GALNT18: variants seen among roughly 807,000 people sequenced by gnomAD.
GALNT18 encodes GalNAc-transferase 18.
In GALNT18, 44 loss-of-function variants were observed where a neutral mutation model predicts 69.5. The ratio of observed to expected loss-of-function variants is 0.63; its 90% confidence interval spans 0.50 to 0.81. The LOEUF (loss-of-function observed/expected upper bound fraction) is 0.81. Ranked by LOEUF, GALNT18 falls within the 40% of genes least tolerant of loss-of-function variation. The pLI, the probability that GALNT18 is intolerant of heterozygous loss-of-function variation, is 0.00. For missense variants in GALNT18, 715 were observed against 810.0 expected (o/e 0.88, Z 1.42); for synonymous variants, 364 against 318.2 (o/e 1.14, Z -1.53).
chr11:11,307,550 A>C (rs1387053089), intron 9 of GALNT18, among the ~76,000 whole-genome samples: 1 of 152,172 alleles, frequency 6.6e-6, no homozygotes, highest in Non-Finnish European at 1.5e-5. Flanking sequence ...ATCTGAACTC[A>C]AGTCATCTGG....
intron 1 of GALNT18, among the ~76,000 whole-genome samples, chr11:11,581,312 A>G (rs1859077645): frequency 6.6e-6 from 1 of 152,224 alleles, no homozygotes; most frequent in Non-Finnish European, 1.5e-5. Context: ...GGCTGTGGCC[A>G]ATGTGACAGA....
chr11:11,342,979 AC>A (rs578055610), intron 6 of GALNT18, among the ~76,000 whole-genome samples: 91 of 152,364 alleles, frequency 6.0e-4, no homozygotes, highest in Admixed American at 5.0e-3. Context: ...ATCAAGCTGA[AC>A]AGCAGAATCT....
intron 10 of GALNT18, among the ~76,000 whole-genome samples, chr11:11,276,717 T>G (rs563495197): frequency 3.3e-5 from 5 of 151,892 alleles, no homozygotes; most frequent in African/African-American, 1.2e-4. Context: ...GTGTTTGGCA[T>G]GAAGGGGTAT....
At chr11:11,475,399 C>T (rs1856368222) in intron 1 of GALNT18, 2 of 152,260 alleles carry the variant, frequency 1.3e-5, no homozygotes, top group South Asian at 4.2e-4. Flanking sequence ...GGTAGGTGCT[C>T]AGTGGAAAAT....
chr11:11,297,798 T>G (rs886628243), intron 9 of GALNT18, among the ~76,000 whole-genome samples: 2 of 152,098 alleles, frequency 1.3e-5, no homozygotes, highest in African/African-American at 4.8e-5. Flanking sequence ...CAGCTGCCAA[T>G]GATTGATTTG....
At position 11,496,229 on chromosome 11, in the gene GALNT18, A is replaced by G. The variant is rs1356585806; in HGVS notation, c.236-47293T>C. 2.0e-5 allele frequency among the ~76,000 whole-genome samples: 3 copies of G among 152,236 alleles called. No homozygotes were observed. Among genetic ancestry groups the G allele is most frequent in the African/African-American group, 7.2e-5 (3 of 41,458 alleles). On this transcript the variant is annotated intron_variant, in intron 1 of 10. Transcript: ENST00000227756. This position sits in a 1 kb window ranked among gnomAD's most constrained non-coding sequence, Gnocchi z 4.0. ...TTTAGAATATAGCAATAGAGTTTTG[A>G]TGATCTGCTGACTTCATTTGATTGC...
At chr11:11,559,380 C>G (rs1277226006) in intron 1 of GALNT18, among the ~76,000 whole-genome samples, 1 of 152,244 alleles carries the variant, frequency 6.6e-6, no homozygotes, top group African/African-American at 2.4e-5. Flanking sequence ...CACACCCCAA[C>G]TGTCTGCTTC....
chr11:11,491,558 G>A (rs1856769940), intron 1 of GALNT18, among the ~76,000 whole-genome samples: 1 of 152,244 alleles, frequency 6.6e-6, no homozygotes, highest in Non-Finnish European at 1.5e-5. Context: ...ATTTCCTAAA[G>A]CAGATCTAAA....
rs1273493568 is a variant in GALNT18 at position 11,564,973 on chromosome 11, C to T, written c.235+56386G>A. On this transcript the variant is annotated intron_variant, in intron 1 of 10. Coordinates refer to ENST00000227756, the MANE Select transcript of GALNT18 (RefSeq NM_198516.3). This position sits in a 1 kb window ranked among gnomAD's most constrained non-coding sequence, Gnocchi z 4.3. ...TCTAGACCCTAACCCCAAACTCCAG[C>T]ACTGCAGAAGATAATATATTCCTTC... Among the ~76,000 whole-genome samples the T allele has an allele frequency of 6.6e-6, 1 of 152,202 alleles. No homozygotes were observed. The highest frequency in any genetic ancestry group is 1.5e-5 in the Non-Finnish European group (1 of 68,040).
At chr11:11,498,614 C>T (rs1377802846) in intron 1 of GALNT18, among the ~76,000 whole-genome samples, 1 of 152,204 alleles carries the variant, frequency 6.6e-6, no homozygotes, top group Non-Finnish European at 1.5e-5. Flanking sequence ...GCCTGGGCAA[C>T]ACGGTGAAAC....
Position 11,563,413 on chromosome 11 carries a change from G to A in GALNT18, c.235+57946C>T, listed in dbSNP as rs145825132. On this transcript the variant is annotated intron_variant, in intron 1 of 10. Coordinates refer to ENST00000227756, the MANE Select transcript of GALNT18 (RefSeq NM_198516.3). The surrounding 1 kb of genome is among the most constrained non-coding windows in gnomAD (Gnocchi z 4.6). ...TGCCTTTAACTGCATTACTCTGAAG[G>A]TGGCTTCTGGATGCCTTCCAGCTGG... is the stretch of plus-strand genomic sequence containing the variant. Among the ~76,000 whole-genome samples the A allele has an allele frequency of 6.6e-6, 1 of 152,322 alleles. No homozygotes were observed. Among genetic ancestry groups the A allele is most frequent in the African/African-American group, 2.4e-5 (1 of 41,576 alleles).
chr11:11,525,168 G>A lies in GALNT18; in HGVS notation c.236-76232C>T, dbSNP rs1245652187. ...GGAATATAGACAGGGTGGGGAGGAG[G>A]AGAGGTAGGAAAAACAACGAAATGG... On this transcript the variant is annotated intron_variant, in intron 1 of 10. Coordinates refer to ENST00000227756, the MANE Select transcript of GALNT18 (RefSeq NM_198516.3). 3.9e-5 allele frequency among the ~76,000 whole-genome samples: 6 copies of A among 152,146 alleles called. No individual in the cohort carries two copies. In the East Asian group the frequency reaches 1.2e-3, roughly 29 times the overall value.
rs559847031 is a variant in GALNT18, at chr11:11,279,531, C to G, written c.1678-8241G>C. On this transcript the variant is annotated intron_variant, in intron 10 of 10. Coordinates refer to ENST00000227756, the MANE Select transcript of GALNT18 (RefSeq NM_198516.3). ...ACTCAAACGTCCATCAATAGTACAGCAGACATATAACTCACGGTATATTCA... is the reference window on the plus strand; with the variant it reads ...ACTCAAACGTCCATCAATAGTACAGGAGACATATAACTCACGGTATATTCA... 9.4e-4 allele frequency among the ~76,000 whole-genome samples: 143 copies of G among 152,274 alleles called. 4 individuals carry two copies. In the South Asian group the frequency reaches 0.029, roughly 31 times the overall value.
At chr11:11,558,956 A>T (rs1858397828) in intron 1 of GALNT18, among the ~76,000 whole-genome samples, 1 of 152,208 alleles carries the variant, frequency 6.6e-6, no homozygotes, top group South Asian at 2.1e-4. Context: ...ACAGCACAGG[A>T]GTGAGCACCA....
Position 11,432,892 on chromosome 11 carries a change from T to A in GALNT18, c.429-105A>T. 1 of 1,060,022 alleles carries A rather than the reference T, an allele frequency of 9.4e-7. No homozygotes were observed. The highest frequency in any genetic ancestry group is 1.4e-6 in the Non-Finnish European group (1 of 740,584). The allele number at this position is 1,060,022 out of a possible 1,614,324, so 65.7% of individuals were successfully genotyped here. ...CCAGCTTTGCTGGAGGGCTCGGGAG[T>A]CCAGATTCTTCCAAGGGCCCCTTCT... On this transcript the variant is annotated intron_variant, in intron 2 of 10. Coordinates refer to ENST00000227756, the MANE Select transcript of GALNT18 (RefSeq NM_198516.3). This position sits in a 1 kb window ranked among gnomAD's most constrained non-coding sequence, Gnocchi z 5.8.
rs1857890402 is a variant in GALNT18 at position 11,540,488 on chromosome 11, G to A, written c.235+80871C>T. 6.6e-6 allele frequency among the ~76,000 whole-genome samples: 1 copy of A among 152,076 alleles called. No homozygotes were observed. The highest frequency in any genetic ancestry group is 2.1e-4 in the South Asian group (1 of 4,810). On this transcript the variant is annotated intron_variant, in intron 1 of 10. Coordinates refer to ENST00000227756, the MANE Select transcript of GALNT18 (RefSeq NM_198516.3). This position sits in a 1 kb window ranked among gnomAD's most constrained non-coding sequence, Gnocchi z 4.6. ...GAGACACGGCTGTTCCTCATTTCAT[G>A]ACCAAGTTTCATTAGAAACTTTGGA...
chr11:11,561,676 C>A (rs1024187393), intron 1 of GALNT18, among the ~76,000 whole-genome samples: 3 of 152,190 alleles, frequency 2.0e-5, no homozygotes, highest in Non-Finnish European at 2.9e-5. Flanking sequence ...CTGTGCCCAG[C>A]GATCTTCCCC....
intron 9 of GALNT18, among the ~76,000 whole-genome samples, chr11:11,299,802 G>C (rs1849463116): frequency 6.6e-6 from 1 of 152,222 alleles, no homozygotes; most frequent in African/African-American, 2.4e-5. Flanking sequence ...TCCATAGAAT[G>C]ACTTCTTTTC....
At chr11:11,609,869 G>A (rs907466534) in intron 1 of GALNT18, among the ~76,000 whole-genome samples, 11 of 152,292 alleles carry the variant, frequency 7.2e-5, no homozygotes, top group Non-Finnish European at 1.5e-4. Context: ...TATTGACTTT[G>A]TGTAGACCAG....
Sources: allele counts gnomAD v4.1 joint callset (sites outside exome capture counted in the v4.1 genomes callset), GRCh38; gene constraint gnomAD v4.1.1; non-coding constraint Gnocchi (gnomAD v3.1); transcripts MANE v1.5; gene names NCBI Gene and HGNC (gene_info 2026-07-23, HGNC 2026-07-21).